PRKG1: variants seen among roughly 807,000 people sequenced by gnomAD.
PRKG1 encodes the protein cGMP-dependent protein kinase 1.
A neutral mutation model predicts 88.1 loss-of-function variants in PRKG1; 35 were observed. The ratio of observed to expected loss-of-function variants is 0.40; its 90% confidence interval spans 0.30 to 0.53. PRKG1 has a LOEUF of 0.53. Ranked by LOEUF, PRKG1 falls within the 20% of genes least tolerant of loss-of-function variation. The probability of loss-of-function intolerance (pLI) is 0.59; values close to 1 mark genes in which losing one functional copy is unlikely to be tolerated. For synonymous variants in PRKG1, 303 were observed against 292.5 expected (o/e 1.04, Z -0.37); for missense variants, 540 against 839.8 (o/e 0.64, Z 4.41).
At chr10:51,608,096 G>T (rs1838812355) in intron 3 of PRKG1, among the ~76,000 whole-genome samples, 1 of 152,192 alleles carries the variant, frequency 6.6e-6, no homozygotes, top group South Asian at 2.1e-4. Flanking sequence ...GGTTCTGACT[G>T]CATCTTAATG....
chr10:51,201,676 G>A (rs993274602), intron 2 of PRKG1, among the ~76,000 whole-genome samples: 1 of 152,066 alleles, frequency 6.6e-6, no homozygotes, highest in Non-Finnish European at 1.5e-5. Flanking sequence ...CCTTGTGAAT[G>A]GATTTAGTGA....
intron 3 of PRKG1, among the ~76,000 whole-genome samples, chr10:51,758,733 G>A (rs1837936382): frequency 6.6e-6 from 1 of 151,936 alleles, no homozygotes; most frequent in Admixed American, 6.6e-5. Context: ...GAACGTGCAG[G>A]TTTGTTACAC....
intron 5 of PRKG1, among the ~76,000 whole-genome samples, chr10:52,046,357 A>G (rs977589927): frequency 5.9e-5 from 9 of 152,050 alleles, no homozygotes; most frequent in Admixed American, 5.9e-4. Context: ...ACTGTTCTCT[A>G]CACATGGAAA....
In PRKG1 at chr10:52,083,785, A is replaced by T. The variant is rs558179105; in HGVS notation, c.935+21154A>T. On this transcript the variant is annotated intron_variant, in intron 7 of 17. Transcript: ENST00000373980. ...AAATTGCCTAGGAAATTAGATGTAG[A>T]TTTATTTTATGTTAAACCTGAGTGT... Among the ~76,000 whole-genome samples, 5 of 152,130 alleles carry T rather than the reference A, an allele frequency of 3.3e-5. 1 individual carries two copies. Among genetic ancestry groups the T allele is most frequent in the African/African-American group, 1.2e-4 (5 of 41,548 alleles).
At chr10:52,269,887 T>A (rs1382753141) in intron 10 of PRKG1, among the ~76,000 whole-genome samples, 10 of 152,040 alleles carry the variant, frequency 6.6e-5, no homozygotes, top group Non-Finnish European at 2.9e-5. Context: ...GATCCATGCC[T>A]CCTCTGGAGC....
chr10:51,415,902 G>A lies in PRKG1; in HGVS notation c.479-51821G>A, dbSNP rs113236977. Among the ~76,000 whole-genome samples the A allele has an allele frequency of 1.1e-3, 158 of 147,592 alleles. 2 individuals are homozygous for A. Among genetic ancestry groups the A allele is most frequent in the Middle Eastern group, 3.4e-3 (1 of 292 alleles). ...CCATGGGGCCTAAACTGGCATGCTA[G>A]AGCTTCCAGTGTGTGTGTGTGTGTG... On this transcript the variant is annotated intron_variant, in intron 2 of 17. Coordinates refer to ENST00000373980, the MANE Select transcript of PRKG1 (RefSeq NM_006258.4).
At chr10:51,058,887 T>C (rs1426847687) in intron 1 of PRKG1, among the ~76,000 whole-genome samples, 1 of 152,210 alleles carries the variant, frequency 6.6e-6, no homozygotes, top group Non-Finnish European at 1.5e-5. Flanking sequence ...GAGTATTTAG[T>C]TGATGCAGTA....
chr10:51,153,395 C>A, intron 2 of PRKG1, 65 bp downstream of exon 2: 2 of 1,436,166 alleles, frequency 1.4e-6, no homozygotes, highest in East Asian at 2.5e-5. Flanking sequence ...CAGCTGCACA[C>A]AGATGGCAAT....
intron 14 of PRKG1, 112 bp downstream of exon 14, chr10:52,282,428 G>A (rs1052228144): frequency 4.7e-5 from 51 of 1,085,078 alleles, no homozygotes; most frequent in Non-Finnish European, 2.3e-5. Context: ...CCATATCTTG[G>A]TACCACAGTT....
chr10:51,559,365 A>G (rs1258798652), intron 3 of PRKG1, among the ~76,000 whole-genome samples: 2 of 152,112 alleles, frequency 1.3e-5, no homozygotes, highest in Non-Finnish European at 2.9e-5. Flanking sequence ...TTGAGGAAGT[A>G]AATAATGCAT....
chr10:51,001,778 A>G (rs995747080), intron 1 of PRKG1, among the ~76,000 whole-genome samples: 2 of 152,206 alleles, frequency 1.3e-5, no homozygotes, highest in African/African-American at 4.8e-5. Flanking sequence ...GGAGACATAG[A>G]GAGATTTCAA....
At chr10:52,261,454 A>G (rs1232968911) in intron 10 of PRKG1, among the ~76,000 whole-genome samples, 5 of 151,896 alleles carry the variant, frequency 3.3e-5, no homozygotes, top group African/African-American at 4.8e-5. Context: ...TCAAAATGTT[A>G]TACCTGACTC....
intron 3 of PRKG1, among the ~76,000 whole-genome samples, chr10:51,688,901 T>A (rs562609233): frequency 6.6e-6 from 1 of 152,262 alleles, no homozygotes; most frequent in South Asian, 2.1e-4. Context: ...ATAATTCCCA[T>A]GTGTTGTGGG....
intron 5 of PRKG1, among the ~76,000 whole-genome samples, chr10:51,930,853 A>C (rs1017091460): frequency 6.6e-6 from 1 of 152,194 alleles, no homozygotes; most frequent in African/African-American, 2.4e-5. Context: ...GTTTTGTTTT[A>C]AAATATTCTC....
chr10:52,094,857 A>G (rs1238744426), intron 7 of PRKG1, among the ~76,000 whole-genome samples: 8 of 152,168 alleles, frequency 5.3e-5, no homozygotes, highest in Admixed American at 2.0e-4. Context: ...CCCCATCTCC[A>G]AAGATTATCA....
intron 9 of PRKG1, among the ~76,000 whole-genome samples, chr10:52,203,189 G>T (rs1167084438): frequency 1.3e-5 from 2 of 151,976 alleles, no homozygotes; most frequent in African/African-American, 4.8e-5. Context: ...CTTTAGCTGT[G>T]TCTCTGTGAT....
chr10:51,785,453 A>T (rs1396882286), intron 3 of PRKG1, among the ~76,000 whole-genome samples: 3 of 152,110 alleles, frequency 2.0e-5, no homozygotes, highest in Non-Finnish European at 4.4e-5. Context: ...TAAAAAGAAA[A>T]ACAGAATGAC....
chr10:51,304,822 T>G (rs904861713), intron 2 of PRKG1, among the ~76,000 whole-genome samples: 2 of 152,084 alleles, frequency 1.3e-5, no homozygotes, highest in Non-Finnish European at 2.9e-5. Flanking sequence ...ATCATCATTT[T>G]TTATGGCTGC....
At chr10:51,583,540 A>G (rs778036469) in intron 3 of PRKG1, among the ~76,000 whole-genome samples, 1 of 151,396 alleles carries the variant, frequency 6.6e-6, no homozygotes, top group Non-Finnish European at 1.5e-5. Context: ...CTACCAAAAC[A>G]TCTTCACAAT....
Sources: allele counts gnomAD v4.1 joint callset (sites outside exome capture counted in the v4.1 genomes callset), GRCh38; gene constraint gnomAD v4.1.1; transcripts MANE v1.5; gene names NCBI Gene and HGNC (gene_info 2026-07-23, HGNC 2026-07-21).